Variants in EXOC6B observed in about 807,000 individuals in gnomAD.
EXOC6B encodes exocyst complex component 6B, also known as SEC15 homolog B.
Under a neutral mutation model 113.5 loss-of-function variants are expected in EXOC6B, and 54 were observed. The observed-to-expected ratio is 0.48, with a 90% CI of 0.38 to 0.60. The LOEUF is 0.60. EXOC6B is among the 20% of genes least tolerant of loss of function. EXOC6B has a pLI of 0.00. For missense variants in EXOC6B, 797 were observed against 977.5 expected (o/e 0.82, Z 2.46); for synonymous variants, 357 against 339.0 (o/e 1.05, Z -0.58).
intron 6 of EXOC6B, among the ~76,000 whole-genome samples, chr2:72,629,374 C>T (rs1303475152): frequency 6.6e-6 from 1 of 152,110 alleles, no homozygotes; most frequent in Non-Finnish European, 1.5e-5. Context: ...CCTCTACTTA[C>T]AATTAGTTAT....
At chr2:72,530,465 G>C (rs993128801) in intron 8 of EXOC6B, among the ~76,000 whole-genome samples, 19 of 152,126 alleles carry the variant, frequency 1.2e-4, no homozygotes, top group Admixed American at 1.1e-3. Flanking sequence ...GTCTATGTGT[G>C]ATTTCAAAAT....
chr2:72,712,225 G>T (rs1679319524), intron 6 of EXOC6B, among the ~76,000 whole-genome samples: 1 of 152,144 alleles, frequency 6.6e-6, no homozygotes, highest in South Asian at 2.1e-4. Flanking sequence ...TTTTTTTAAA[G>T]TAATTCTATT....
chr2:72,483,242 A>G (rs1365820647), intron 16 of EXOC6B, among the ~76,000 whole-genome samples: 1 of 152,206 alleles, frequency 6.6e-6, no homozygotes, highest in Non-Finnish European at 1.5e-5. Flanking sequence ...CTGAGTGGGA[A>G]GGTGGCTACT....
At chr2:72,549,997 A>T (rs1052782827) in intron 8 of EXOC6B, among the ~76,000 whole-genome samples, 4 of 152,194 alleles carry the variant, frequency 2.6e-5, no homozygotes, top group African/African-American at 9.6e-5. Context: ...CTAAGAACAG[A>T]AGATAAATAT....
At chr2:72,224,825 T>C (rs1159586608) in intron 20 of EXOC6B, among the ~76,000 whole-genome samples, 9 of 146,766 alleles carry the variant, frequency 6.1e-5, no homozygotes, top group African/African-American at 1.0e-4. Context: ...TGTGTGCGTG[T>C]GTGTATGTGT....
chr2:72,645,785 T>C (rs979150143), intron 6 of EXOC6B, among the ~76,000 whole-genome samples: 4 of 152,256 alleles, frequency 2.6e-5, no homozygotes, highest in East Asian at 3.9e-4. Flanking sequence ...GGGACACATT[T>C]AAAGCAGTGT....
chr2:72,566,377 C>G (rs1704179970), intron 7 of EXOC6B, among the ~76,000 whole-genome samples: 1 of 152,082 alleles, frequency 6.6e-6, no homozygotes. Flanking sequence ...CTTTTTATTT[C>G]AGAGTGGTAC....
intron 18 of EXOC6B, among the ~76,000 whole-genome samples, chr2:72,412,847 G>A (rs1344446686): frequency 6.6e-6 from 1 of 151,932 alleles, no homozygotes; most frequent in Non-Finnish European, 1.5e-5. Context: ...ATTGATCCTG[G>A]CCTGTTCTAA....
chr2:72,540,455 T>C (rs1487690182), intron 8 of EXOC6B, among the ~76,000 whole-genome samples: 1 of 152,202 alleles, frequency 6.6e-6, no homozygotes, highest in Non-Finnish European at 1.5e-5. Flanking sequence ...TCTACATATA[T>C]ATATTTTCTT....
Position 72,666,354 on chromosome 2 carries a change from C to A in EXOC6B, c.669+51749G>T, listed in dbSNP as rs148232787. ...CCACACAATATACTTTCTTCTCATACGCACATGGAATGTATTCTAAGATCA... is the reference window on the plus strand; with the variant it reads ...CCACACAATATACTTTCTTCTCATAAGCACATGGAATGTATTCTAAGATCA... On this transcript the variant is annotated intron_variant, in intron 6 of 21. Coordinates refer to ENST00000272427, the MANE Select transcript of EXOC6B (RefSeq NM_015189.3). Among the ~76,000 whole-genome samples, 285 of 152,238 alleles carry A rather than the reference C, an allele frequency of 1.9e-3. 2 individuals carry two copies. The highest frequency in any genetic ancestry group is 5.8e-3 in the African/African-American group (241 of 41,548).
chr2:72,436,054 T>G (rs944903656), intron 18 of EXOC6B, among the ~76,000 whole-genome samples: 7 of 152,234 alleles, frequency 4.6e-5, no homozygotes, highest in African/African-American at 1.7e-4. Context: ...CCTTTCTATA[T>G]TTAGAGCTTC....
Position 72,513,059 on chromosome 2 carries a change from T to C in EXOC6B, c.1167+73A>G, listed in dbSNP as rs1039920831. 1.7e-5 allele frequency: 27 copies of C among 1,543,738 alleles called. No homozygotes were observed. In the African/African-American group the frequency reaches 3.6e-4, roughly 20 times the overall value. ...ATTCCAAAGACATACATATGTTGAT[T>C]TTAAAGCAGTAAAACACTGAATATA... On this transcript the variant is annotated intron_variant, in intron 11 of 21. Transcript: ENST00000272427.
At chr2:72,686,094 G>T (rs1390168914) in intron 6 of EXOC6B, among the ~76,000 whole-genome samples, 1 of 152,192 alleles carries the variant, frequency 6.6e-6, no homozygotes, top group African/African-American at 2.4e-5. Flanking sequence ...AACTACATTT[G>T]CTGAGCTTGA....
chr2:72,315,796 G>A (rs956588954), intron 20 of EXOC6B, among the ~76,000 whole-genome samples: 12 of 152,028 alleles, frequency 7.9e-5, no homozygotes, highest in Admixed American at 3.3e-4. Flanking sequence ...GGGGGCAATG[G>A]GGAAATCGGG....
chr2:72,401,895 T>C (rs1006410465), intron 18 of EXOC6B, among the ~76,000 whole-genome samples: 2 of 150,808 alleles, frequency 1.3e-5, no homozygotes, highest in African/African-American at 4.9e-5. Context: ...ATCAATAATA[T>C]TGACAGTTGA....
intron 6 of EXOC6B, among the ~76,000 whole-genome samples, chr2:72,591,285 G>A (rs1158622523): frequency 1.3e-5 from 2 of 152,086 alleles, no homozygotes; most frequent in Admixed American, 6.5e-5. Flanking sequence ...TTCTGTGATT[G>A]TCACTGGAGC....
chr2:72,482,196 T>C (rs1380096452), intron 16 of EXOC6B, among the ~76,000 whole-genome samples: 3 of 152,146 alleles, frequency 2.0e-5, no homozygotes, highest in African/African-American at 4.8e-5. Context: ...GGGCCTGCAA[T>C]CAACTGGACC....
intron 6 of EXOC6B, among the ~76,000 whole-genome samples, chr2:72,664,855 G>A (rs942072715): frequency 5.3e-5 from 8 of 152,222 alleles, no homozygotes; most frequent in African/African-American, 1.7e-4. Flanking sequence ...CCAATGGCCT[G>A]AGAGCACTTT....
At chr2:72,787,575 A>G (rs1375739040) in intron 1 of EXOC6B, among the ~76,000 whole-genome samples, 1 of 151,904 alleles carries the variant, frequency 6.6e-6, no homozygotes, top group African/African-American at 2.4e-5. Flanking sequence ...AAAGTTTAAG[A>G]TTATAACTTA....
Sources: gnomAD v4.1 joint callset for allele counts (sites outside exome capture counted in the v4.1 genomes callset) on GRCh38, gnomAD v4.1.1 for gene constraint, MANE v1.5 for transcripts, NCBI Gene and HGNC (gene_info 2026-07-23, HGNC 2026-07-21) for gene names.